The following ADD3 variants were observed in gnomAD, a reference collection of about 807,000 sequenced individuals.
ADD3 encodes gamma-adducin.
Under a neutral mutation model 80.2 loss-of-function variants are expected in ADD3, and 25 were observed. The observed-to-expected ratio is 0.31, with a 90% confidence interval of 0.23 to 0.44. The LOEUF (loss-of-function observed/expected upper bound fraction) is 0.44, where lower values mean the gene tolerates loss of function less well. ADD3 is among the 20% of genes least tolerant of loss of function. The pLI, the probability that ADD3 is intolerant of heterozygous loss-of-function variation, is 1.00. For synonymous variants in ADD3, 284 were observed against 289.6 expected (o/e 0.98, Z 0.20); for missense variants, 829 against 847.5 (o/e 0.98, Z 0.27).
intron 1 of ADD3, among the ~76,000 whole-genome samples, chr10:110,046,847 G>A (rs1856962476): frequency 6.6e-6 from 1 of 152,132 alleles, no homozygotes; most frequent in African/African-American, 2.4e-5. Context: ...TATTTGGTTT[G>A]AAATTGAAAA....
intron 1 of ADD3, among the ~76,000 whole-genome samples, chr10:110,095,001 G>A (rs1360161729): frequency 6.6e-6 from 1 of 152,110 alleles, no homozygotes; most frequent in Non-Finnish European, 1.5e-5. Context: ...AGATTTTTTT[G>A]TAAGTAATAA....
chr10:110,017,237 G>T (rs1853113365), intron 1 of ADD3, among the ~76,000 whole-genome samples: 1 of 152,158 alleles, frequency 6.6e-6, no homozygotes. Context: ...GTTGAACCAA[G>T]ATTAGAATGA....
At chr10:110,080,814 A>G (rs1845974467) in intron 1 of ADD3, among the ~76,000 whole-genome samples, 1 of 152,226 alleles carries the variant, frequency 6.6e-6, no homozygotes, top group Non-Finnish European at 1.5e-5. Flanking sequence ...ACTTAACATA[A>G]TTAAAGTTTT....
At chr10:110,085,871 C>T (rs1444382798) in intron 1 of ADD3, among the ~76,000 whole-genome samples, 3 of 151,992 alleles carry the variant, frequency 2.0e-5, no homozygotes, top group South Asian at 4.2e-4. Context: ...TTTGGGAGGC[C>T]GAGGCAGGCA....
chr10:110,074,305 G>C (rs1845126209), intron 1 of ADD3, among the ~76,000 whole-genome samples: 1 of 152,164 alleles, frequency 6.6e-6, no homozygotes, highest in Non-Finnish European at 1.5e-5. Flanking sequence ...GTGCTGGTTT[G>C]ATTTCTGGCA....
chr10:110,024,233 C>T lies in ADD3; in HGVS notation c.-30+15934C>T, dbSNP rs190368108. Among the ~76,000 whole-genome samples the T allele has an allele frequency of 3.3e-5, 5 of 152,306 alleles. No individual in the cohort carries two copies. The East Asian group carries it at 9.6e-4, about 29-fold the overall frequency. ...AAAGAATTGAAGGCATTGGGCTTTG[C>T]AATATCAGGTATTGCATGTTGTCAT... On this transcript the variant is annotated intron_variant, in intron 1 of 14. Transcript: ENST00000356080.
chr10:110,016,240 C>T (rs1202213356), intron 1 of ADD3, among the ~76,000 whole-genome samples: 1 of 152,198 alleles, frequency 6.6e-6, no homozygotes, highest in African/African-American at 2.4e-5. Context: ...TCCTGTTTTC[C>T]TTACAGAACT....
chr10:110,026,926 G>A (rs1294414460), intron 1 of ADD3, among the ~76,000 whole-genome samples: 27 of 152,102 alleles, frequency 1.8e-4, no homozygotes, highest in Non-Finnish European at 2.9e-5. Flanking sequence ...TTGGATTTCA[G>A]TAATGTATTC....
chr10:110,125,327 C>A (rs1024833992), intron 10 of ADD3, among the ~76,000 whole-genome samples: 78 of 152,146 alleles, frequency 5.1e-4, no homozygotes, highest in Middle Eastern at 3.4e-3. Context: ...TATTATATAC[C>A]AGATTATCCC....
At chr10:110,044,133 C>T (rs552236493) in intron 1 of ADD3, among the ~76,000 whole-genome samples, 5 of 152,176 alleles carry the variant, frequency 3.3e-5, no homozygotes, top group South Asian at 2.1e-4. Flanking sequence ...ACCTGGGAGG[C>T]GGAGGTTGCA....
intron 1 of ADD3, among the ~76,000 whole-genome samples, chr10:110,024,007 A>T (rs768826305): frequency 1.1e-4 from 16 of 152,172 alleles, no homozygotes; most frequent in Non-Finnish European, 2.2e-4. Flanking sequence ...GACACTGGGG[A>T]CTACTAGAGG....
intron 1 of ADD3, chr10:110,075,576 T>C (rs1166929216): frequency 6.6e-6 from 1 of 152,210 alleles, no homozygotes; most frequent in Non-Finnish European, 1.5e-5. Flanking sequence ...ATTGCTGATA[T>C]ATATTGGCTG....
upstream of ADD3, among the ~76,000 whole-genome samples, chr10:110,005,355 C>T (rs548886128): frequency 2.6e-4 from 40 of 152,280 alleles, no homozygotes; most frequent in African/African-American, 9.1e-4. Context: ...CCACCACGCC[C>T]GGCAATATTG....
At chr10:110,016,052 C>G (rs1275379459) in intron 1 of ADD3, among the ~76,000 whole-genome samples, 1 of 152,202 alleles carries the variant, frequency 6.6e-6, no homozygotes, top group Non-Finnish European at 1.5e-5. Context: ...TTTAGAGTGT[C>G]TGCCTTGACC....
At chr10:110,110,456 G>T (rs571816610) in intron 2 of ADD3, among the ~76,000 whole-genome samples, 3 of 152,164 alleles carry the variant, frequency 2.0e-5, no homozygotes, top group Non-Finnish European at 4.4e-5. Flanking sequence ...TGACTCAGAT[G>T]TTTGTGCAGG....
intron 1 of ADD3, among the ~76,000 whole-genome samples, chr10:110,072,178 C>T (rs927318581): frequency 1.3e-5 from 2 of 152,228 alleles, no homozygotes; most frequent in Non-Finnish European, 2.9e-5. Flanking sequence ...TCTCCTGCCT[C>T]AGCCTCCCGA....
At chr10:110,055,405 C>T (rs752071123) in intron 1 of ADD3, among the ~76,000 whole-genome samples, 3 of 152,106 alleles carry the variant, frequency 2.0e-5, no homozygotes, top group Non-Finnish European at 2.9e-5. Context: ...GGGATGAGTA[C>T]TGAGTTCAGT....
At chr10:110,082,542 A>G (rs1364033612) in intron 1 of ADD3, among the ~76,000 whole-genome samples, 1 of 152,204 alleles carries the variant, frequency 6.6e-6, no homozygotes, top group East Asian at 1.9e-4. Context: ...TCTCTCCACA[A>G]TTATTAATAA....
chr10:110,125,390 A>C (rs761662035), intron 10 of ADD3, among the ~76,000 whole-genome samples: 1 of 152,066 alleles, frequency 6.6e-6, no homozygotes, highest in Non-Finnish European at 1.5e-5. Flanking sequence ...AAAAATAAAA[A>C]GTGAAGTCTG....
Sources: gnomAD v4.1 joint callset for allele counts (sites outside exome capture counted in the v4.1 genomes callset) on GRCh38, gnomAD v4.1.1 for gene constraint, MANE v1.5 for transcripts, NCBI Gene and HGNC (gene_info 2026-07-23, HGNC 2026-07-21) for gene names.